TEX11: variants seen among roughly 807,000 people sequenced by gnomAD.
TEX11 encodes testis-expressed protein 11.
Under a neutral mutation model 84.4 loss-of-function variants are expected in TEX11, and 7 were observed. That is an observed-to-expected ratio of 0.08 (90% CI 0.05 to 0.16). TEX11 has a LOEUF of 0.16. Among genes scored for constraint, TEX11 ranks in the 10% least tolerant of loss-of-function variants. TEX11 has a pLI of 1.00. For synonymous variants in TEX11, 264 were observed against 222.8 expected, an observed-to-expected ratio of 1.18 and a Z score of -1.64; for missense variants, 551 against 660.5, an observed-to-expected ratio of 0.83 and a Z score of 1.82.
chrX:70,852,135 A>G (rs1042862311), intron 7 of TEX11, among the ~76,000 whole-genome samples: 20 of 112,189 alleles, frequency 1.8e-4, no homozygotes, highest in African/African-American at 6.5e-4. Flanking sequence ...TATATGAATT[A>G]TATCTCAGTA....
At chrX:70,786,190 A>G (rs1259931612) in intron 9 of TEX11, among the ~76,000 whole-genome samples, 2 of 111,303 alleles carry the variant, frequency 1.8e-5, no homozygotes, top group African/African-American at 6.5e-5. Flanking sequence ...GAAGCTGGAA[A>G]CCATCATTCT....
chrX:70,728,441 T>A (rs2090616769), intron 11 of TEX11, among the ~76,000 whole-genome samples: 1 of 112,902 alleles, frequency 8.9e-6, no homozygotes, highest in African/African-American at 3.2e-5. Context: ...AGATGGCACC[T>A]GGAAAATCAG....
intron 17 of TEX11, among the ~76,000 whole-genome samples, chrX:70,639,551 C>T (rs1002694349): frequency 8.9e-6 from 1 of 111,804 alleles, no homozygotes; most frequent in Non-Finnish European, 1.9e-5. Context: ...AGGGGTTCTC[C>T]CAGTACGCAG....
intron 24 of TEX11, among the ~76,000 whole-genome samples, chrX:70,601,606 G>A (rs1442766304): frequency 3.4e-5 from 3 of 88,288 alleles, no homozygotes; most frequent in East Asian, 7.1e-4. Flanking sequence ...CAGGGTCATA[G>A]GACAATAGTG....
intron 28 of TEX11, among the ~76,000 whole-genome samples, chrX:70,548,368 T>C (rs1445930058): frequency 9.1e-6 from 1 of 109,985 alleles, no homozygotes; most frequent in Non-Finnish European, 1.9e-5. Context: ...TGTATACATA[T>C]GTAACAAACC....
chrX:70,902,648 A>G (rs1316459134), intron 2 of TEX11, among the ~76,000 whole-genome samples: 1 of 110,138 alleles, frequency 9.1e-6, no homozygotes, highest in East Asian at 2.9e-4. Flanking sequence ...CAACCTATGG[A>G]GTAGCTGGGA....
intron 8 of TEX11, among the ~76,000 whole-genome samples, chrX:70,828,971 A>C (rs1260502300): frequency 2.7e-5 from 3 of 111,925 alleles, no homozygotes; most frequent in African/African-American, 9.7e-5. Flanking sequence ...GAGAAAAAAA[A>C]ATGTTTACCC....
intron 2 of TEX11, among the ~76,000 whole-genome samples, chrX:70,883,368 G>A (rs2091692978): frequency 9.0e-6 from 1 of 111,318 alleles, no homozygotes; most frequent in Non-Finnish European, 1.9e-5. Flanking sequence ...GGGATTGCTT[G>A]AGCCCAGGAG....
chrX:70,727,141 C>A (rs372398073), intron 11 of TEX11, among the ~76,000 whole-genome samples: 2 of 111,499 alleles, frequency 1.8e-5, no homozygotes, highest in Non-Finnish European at 3.8e-5. Flanking sequence ...TACCCATGGT[C>A]ACACAACTGG....
intron 28 of TEX11, among the ~76,000 whole-genome samples, chrX:70,541,896 C>T (rs1445470730): frequency 8.9e-6 from 1 of 112,274 alleles, no homozygotes; most frequent in Non-Finnish European, 1.9e-5. Flanking sequence ...TAAAAATTAT[C>T]TAGAATATGA....
intron 24 of TEX11, among the ~76,000 whole-genome samples, chrX:70,600,227 T>C (rs2089079375): frequency 8.9e-6 from 1 of 111,929 alleles, no homozygotes; most frequent in South Asian, 3.8e-4. Flanking sequence ...TGGTGTGAGA[T>C]GGTATGTCAT....
At chrX:70,641,182 T>A (rs778137190) in intron 17 of TEX11, among the ~76,000 whole-genome samples, 8 of 111,615 alleles carry the variant, frequency 7.2e-5, no homozygotes, top group Admixed American at 1.9e-4. Flanking sequence ...GGCCATTACA[T>A]AATGGTAAAG....
At chrX:70,905,273 C>T (rs950423801) in intron 2 of TEX11, among the ~76,000 whole-genome samples, 2 of 110,738 alleles carry the variant, frequency 1.8e-5, no homozygotes, top group African/African-American at 6.6e-5. Flanking sequence ...TGCAGTGAGC[C>T]GAGATCGTGC....
At chrX:70,711,253 G>A (rs1298747938) in intron 13 of TEX11, among the ~76,000 whole-genome samples, 1 of 111,621 alleles carries the variant, frequency 9.0e-6, no homozygotes, top group Non-Finnish European at 1.9e-5. Flanking sequence ...AAACATACGT[G>A]TACATGTGTC....
At chrX:70,798,669 A>C (rs1163489350) in intron 9 of TEX11, among the ~76,000 whole-genome samples, 2 of 112,173 alleles carry the variant, frequency 1.8e-5, no homozygotes, top group Non-Finnish European at 3.8e-5. Context: ...AGAATAGAAT[A>C]TCTAGAACAA....
At chrX:70,706,021 C>A (rs183593080) in intron 13 of TEX11, among the ~76,000 whole-genome samples, 1 of 110,864 alleles carries the variant, frequency 9.0e-6, no homozygotes, top group African/African-American at 3.3e-5. Flanking sequence ...ATGTTTATTG[C>A]GGCACTATTC....
intron 2 of TEX11, among the ~76,000 whole-genome samples, chrX:70,885,186 C>T (rs2091701669): frequency 9.0e-6 from 1 of 111,334 alleles, no homozygotes; most frequent in African/African-American, 3.3e-5. Context: ...GGGGGCCCTT[C>T]TCCTGTACAA....
intron 24 of TEX11, among the ~76,000 whole-genome samples, chrX:70,595,219 T>C (rs929318589): frequency 1.0e-4 from 11 of 110,448 alleles, no homozygotes; most frequent in African/African-American, 3.6e-4. Flanking sequence ...GTAGCTGGGA[T>C]TATAGGCACC....
intron 11 of TEX11, among the ~76,000 whole-genome samples, chrX:70,732,723 T>A (rs2090663948): frequency 9.0e-6 from 1 of 110,927 alleles, no homozygotes; most frequent in South Asian, 3.9e-4. Context: ...ATGGCCATAC[T>A]GCTCAAGGTA....
Sources: allele counts gnomAD v4.1 joint callset (sites outside exome capture counted in the v4.1 genomes callset), GRCh38; gene constraint gnomAD v4.1.1; transcripts MANE v1.5; gene names NCBI Gene and HGNC (gene_info 2026-07-23, HGNC 2026-07-21).